LRIG1: variants seen among roughly 807,000 people sequenced by gnomAD.
LRIG1 encodes the protein leucine rich repeats and immunoglobulin like domains 1, also known as leucine-rich repeats and immunoglobulin-like domains protein 1.
In LRIG1, 48 loss-of-function variants were observed where a neutral mutation model predicts 99.2. The ratio of observed to expected loss-of-function variants is 0.48; its 90% CI spans 0.38 to 0.62. LRIG1 has a LOEUF of 0.62. LRIG1 is among the 20% of genes least tolerant of loss of function. The pLI is 0.00. For missense variants in LRIG1, 1,646 were observed against 1,434.4 expected, an observed-to-expected ratio of 1.15 and a Z score of -2.38; for synonymous variants, 772 against 596.1, an observed-to-expected ratio of 1.29 and a Z score of -4.30.
chr3:66,404,381 C>T (rs897769421), intron 9 of LRIG1: 2 of 1,265,482 alleles, frequency 1.6e-6, no homozygotes, highest in Non-Finnish European at 1.0e-6. Context: ...CTCCAGTCTT[C>T]CCTCCGAGCT....
intron 3 of LRIG1, among the ~76,000 whole-genome samples, chr3:66,430,008 C>G (rs1452488436): frequency 6.6e-6 from 1 of 152,140 alleles, no homozygotes; most frequent in East Asian, 1.9e-4. Context: ...TTTAGTCTAT[C>G]GTATTGACTG....
chr3:66,417,945 A>G (rs942427477), intron 3 of LRIG1, among the ~76,000 whole-genome samples: 19 of 152,188 alleles, frequency 1.2e-4, no homozygotes, highest in African/African-American at 4.3e-4. Context: ...CATTTGGAAG[A>G]TGGGGCCACA....
intron 2 of LRIG1, among the ~76,000 whole-genome samples, chr3:66,452,543 G>C (rs1408825137): frequency 6.6e-6 from 1 of 152,202 alleles, no homozygotes; most frequent in Non-Finnish European, 1.5e-5. Flanking sequence ...GAAAGAAATT[G>C]TACTTGCGAT....
At position 66,404,168 on chromosome 3, in the gene LRIG1, A is replaced by G. The variant is rs1031092666; in HGVS notation, c.1160+1030T>C. ...CCTAAGCAGGACCCTTGTATATAAAAGGTGCAAAAAGCCACGCTTTTCAAA... is the reference window on the plus strand; with the variant it reads ...CCTAAGCAGGACCCTTGTATATAAAGGGTGCAAAAAGCCACGCTTTTCAAA... On this transcript the variant is annotated intron_variant, in intron 9 of 18. Coordinates refer to ENST00000273261, the MANE Select transcript of LRIG1 (RefSeq NM_015541.3). 1.5e-5 allele frequency: 16 copies of G among 1,040,684 alleles called. No homozygotes were observed. The Admixed American group carries it at 3.7e-4, about 24-fold the overall frequency. 64.5% of individuals were successfully genotyped at this position (1,040,684 alleles called of 1,614,324 possible).
intron 3 of LRIG1, among the ~76,000 whole-genome samples, chr3:66,430,600 G>A (rs1575685405): frequency 2.0e-5 from 3 of 152,296 alleles, no homozygotes; most frequent in Admixed American, 6.5e-5. Context: ...ACATTCCCAG[G>A]GAGAAAGGCT....
At chr3:66,452,993 T>C (rs1703956414) in intron 2 of LRIG1, among the ~76,000 whole-genome samples, 1 of 152,216 alleles carries the variant, frequency 6.6e-6, no homozygotes, top group African/African-American at 2.4e-5. Flanking sequence ...GTCTCTTATC[T>C]GACTGCCCCC....
Position 66,383,298 on chromosome 3 carries a change from G to A in LRIG1, c.2175C>T (p.Thr725=), listed in dbSNP as rs78198874. The A allele has an allele frequency of 1.6e-3, 2,612 of 1,610,466 alleles. 4 individuals are homozygous for A. The highest frequency in any genetic ancestry group is 2.0e-3 in the Non-Finnish European group (2,316 of 1,176,954). ...TCAGCGGGCGGTCCCCCTTGAACCA[G>A]GTGATGCGGGGCGGAGGGTTCCCCG... ...KATGNPPPRI[T]WFKGDRPLSL... The change falls in exon 15 of 19, where the codon ACC becomes ACT. Residue 725 remains threonine (T), a synonymous_variant. Transcript: ENST00000273261.
At chr3:66,383,799 C>T (rs888926295) in intron 14 of LRIG1, among the ~76,000 whole-genome samples, 192 bp downstream of exon 14, 1 of 152,140 alleles carries the variant, frequency 6.6e-6, no homozygotes, top group East Asian at 1.9e-4. Context: ...AATTCACCAG[C>T]TATCATTTCT....
At chr3:66,403,411 CAG>C (rs67502081) in intron 9 of LRIG1, among the ~76,000 whole-genome samples, 11,255 of 152,184 alleles carry the variant, frequency 0.074, 524 homozygotes, top group African/African-American at 0.13. Context: ...CAAACATACA[CAG>C]AGTCTCCAGC....
chr3:66,462,375 A>T (rs1700374436), intron 2 of LRIG1, 63 bp downstream of exon 2: 3 of 1,231,902 alleles, frequency 2.4e-6, no homozygotes, highest in African/African-American at 1.5e-5. Flanking sequence ...GCTGCAATAC[A>T]AGAGGATTTT....
chr3:66,471,669 A>G (rs2106867659), intron 1 of LRIG1, among the ~76,000 whole-genome samples: 1 of 152,352 alleles, frequency 6.6e-6, no homozygotes, highest in East Asian at 1.9e-4. Context: ...AATGAAAACC[A>G]CGCTCTACTG....
At chr3:66,389,448 T>G (rs1701529817) in intron 12 of LRIG1, among the ~76,000 whole-genome samples, 1 of 152,060 alleles carries the variant, frequency 6.6e-6, no homozygotes, top group Admixed American at 6.6e-5. Context: ...AAAACTATGA[T>G]CCAGCTATAG....
intron 3 of LRIG1, among the ~76,000 whole-genome samples, chr3:66,445,303 T>C (rs1013500250): frequency 6.6e-6 from 1 of 152,126 alleles, no homozygotes; most frequent in African/African-American, 2.4e-5. Flanking sequence ...AGGTTTACTT[T>C]TACCCAAACG....
At chr3:66,492,260 C>T (rs1313362260) in intron 1 of LRIG1, among the ~76,000 whole-genome samples, 3 of 152,160 alleles carry the variant, frequency 2.0e-5, no homozygotes, top group Admixed American at 6.5e-5. Context: ...GTAGGTAATC[C>T]GGAAGAAAAG....
rs2279289 is a variant in LRIG1 at position 66,380,654 on chromosome 3, C to G, written c.2978G>C (p.Gly993Ala). Reference sequence around the variant, plus strand: ...ATCGTGGTTACTGGGGTAGAGCGACCCTTGGCACTCGGGGCAGGACCCAGC... The same window carrying G: ...ATCGTGGTTACTGGGGTAGAGCGACGCTTGGCACTCGGGGCAGGACCCAGC... ...TAAGSCPECQ[G>A]SLYPSNHDRM... Residue 993 changes from glycine (G) to alanine (A), a missense_variant, in exon 18 of 19, where the codon GGG (glycine) becomes GCG (alanine). Coordinates refer to ENST00000273261, the MANE Select transcript of LRIG1 (RefSeq NM_015541.3). 1,553 of 1,614,182 alleles carry G rather than the reference C, an allele frequency of 9.6e-4. 10 individuals are homozygous for G. In the East Asian group the frequency reaches 0.015, roughly 16 times the overall value.
rs545968923 is a variant in LRIG1, at chr3:66,386,554, T to A, written c.1469-253A>T. The A allele has an allele frequency of 9.0e-6, 4 of 445,386 alleles. No homozygotes were observed. In the East Asian group the frequency reaches 1.6e-4, roughly 18 times the overall value. The allele number at this position is 445,386 out of a possible 1,614,324, so 27.6% of individuals were successfully genotyped here. A position where few individuals can be genotyped will look rare whatever the true frequency, so the allele number is the denominator to read the frequency against. On this transcript the variant is annotated intron_variant, in intron 12 of 18. Transcript: ENST00000273261. The stretch of plus-strand genomic sequence containing the variant: ...CTTGATTAGAAATTAACCCACCACT[T>A]CTCAGTTCTCAAACCAGCCAGCCGG...
At position 66,406,451 on chromosome 3, in the gene LRIG1, G is replaced by A. The variant is rs574811065; in HGVS notation, c.1079+897C>T. On this transcript the variant is annotated intron_variant, in intron 8 of 18. Coordinates refer to ENST00000273261, the MANE Select transcript of LRIG1 (RefSeq NM_015541.3). ...AGGCTGACCTGGCCTGAATAGCTTG[G>A]CTCCGGCCTCTTTCACACTCCCTGG... 6 of 983,292 alleles carry A rather than the reference G, an allele frequency of 6.1e-6. No homozygotes were observed. The South Asian group carries it at 1.4e-4, about 23-fold the overall frequency. The allele number at this position is 983,292 out of a possible 1,614,324, so 60.9% of individuals were successfully genotyped here.
intron 9 of LRIG1, among the ~76,000 whole-genome samples, chr3:66,399,741 C>T (rs1052660829): frequency 2.0e-5 from 3 of 152,180 alleles, no homozygotes; most frequent in Admixed American, 2.0e-4. Context: ...GCACTCCAGC[C>T]TGGGCAACAT....
At chr3:66,434,755 T>TAAAAAAAA (rs71616222) in intron 3 of LRIG1, among the ~76,000 whole-genome samples, 3 of 100,262 alleles carry the variant, frequency 3.0e-5, no homozygotes, top group Non-Finnish European at 4.7e-5. Context: ...TCAAAAAAAT[T>TAAAAAAAA]AAAAAAAAAA....
Sources: allele counts gnomAD v4.1 joint callset (sites outside exome capture counted in the v4.1 genomes callset), GRCh38; gene constraint gnomAD v4.1.1; transcripts MANE v1.5; gene names NCBI Gene and HGNC (gene_info 2026-07-23, HGNC 2026-07-21).